SMG7: variants seen among roughly 807,000 people sequenced by gnomAD.
SMG7 encodes the protein SMG7 nonsense mediated mRNA decay factor.
Under a neutral mutation model 148.2 loss-of-function variants are expected in SMG7, and 34 were observed. That is an observed-to-expected ratio of 0.23 (90% CI 0.17 to 0.31). The LOEUF is 0.31. SMG7 is among the 10% of genes least tolerant of loss of function. The pLI, the probability that SMG7 is intolerant of heterozygous loss-of-function variation, is 1.00. For synonymous variants in SMG7, 492 were observed against 515.1 expected (o/e 0.96, Z 0.61); for missense variants, 1,114 against 1,408.4 (o/e 0.79, Z 3.35).
intron 1 of SMG7, among the ~76,000 whole-genome samples, chr1:183,485,955 T>G (rs1655317761): frequency 1.3e-5 from 2 of 152,216 alleles, no homozygotes; most frequent in Admixed American, 6.5e-5. Flanking sequence ...AGCAAGACTG[T>G]GGTTAACTAG....
intron 1 of SMG7, among the ~76,000 whole-genome samples, chr1:183,494,937 T>C (rs1038941161): frequency 1.3e-5 from 2 of 151,618 alleles, no homozygotes; most frequent in Admixed American, 1.3e-4. Flanking sequence ...CAAGCGATTC[T>C]CCTGCCTCAG....
At chr1:183,544,748 T>C (rs1357118329) in intron 15 of SMG7, among the ~76,000 whole-genome samples, 182 bp from the exon 16 acceptor site, 2 of 152,206 alleles carry the variant, frequency 1.3e-5, no homozygotes, top group South Asian at 2.1e-4. Context: ...CTTCAGTGGA[T>C]AGAGGAAAAA....
chr1:183,512,790 T>A, intron 1 of SMG7, 47 bp from the exon 2 acceptor site: 1 of 1,548,454 alleles, frequency 6.5e-7, no homozygotes, highest in Non-Finnish European at 8.7e-7. Context: ...TAGGCCTCGT[T>A]TGTTTCTAAC....
rs1234121155 is a variant in SMG7 at position 183,531,595 on chromosome 1, G to A, written c.844-1569G>A. Among the ~76,000 whole-genome samples, 3 of 152,100 alleles carry A rather than the reference G, an allele frequency of 2.0e-5. No homozygotes were observed. In the East Asian group the frequency reaches 5.8e-4, roughly 29 times the overall value. On this transcript the variant is annotated intron_variant, in intron 8 of 22. Coordinates refer to ENST00000688051, the MANE Select transcript of SMG7 (RefSeq NM_001375584.1). Reference sequence around the variant, plus strand: ...CTTTTAGAGATATAGGGGAAAACATGACAAAGTCTGGACCTTCATGAACTT... The same window carrying A: ...CTTTTAGAGATATAGGGGAAAACATAACAAAGTCTGGACCTTCATGAACTT...
intron 14 of SMG7, among the ~76,000 whole-genome samples, chr1:183,543,291 T>A (rs1275062751): frequency 6.6e-6 from 1 of 152,232 alleles, no homozygotes; most frequent in Non-Finnish European, 1.5e-5. Flanking sequence ...CAAATGTATG[T>A]GTTTGCATGA....
intron 1 of SMG7, chr1:183,473,771 T>G: frequency 1.0e-6 from 1 of 985,322 alleles, no homozygotes; most frequent in Non-Finnish European, 1.2e-6. Flanking sequence ...TTTAAAAAAT[T>G]GTTTCATACC....
intron 1 of SMG7, among the ~76,000 whole-genome samples, chr1:183,484,297 T>C (rs1654893458): frequency 6.6e-6 from 1 of 152,112 alleles, no homozygotes; most frequent in African/African-American, 2.4e-5. Context: ...AATGTAAAAG[T>C]TGTTACACTA....
At chr1:183,482,348 A>G in intron 1 of SMG7, among the ~76,000 whole-genome samples, 1 of 152,062 alleles carries the variant, frequency 6.6e-6, no homozygotes, top group East Asian at 1.9e-4. Context: ...ACAAGAGAGA[A>G]AGATTTATAT....
intron 1 of SMG7, among the ~76,000 whole-genome samples, chr1:183,474,512 C>G (rs1210883495): frequency 6.6e-6 from 1 of 152,106 alleles, no homozygotes; most frequent in Non-Finnish European, 1.5e-5. Flanking sequence ...TGCAGTGAGC[C>G]GAGATGGCGT....
intron 4 of SMG7, among the ~76,000 whole-genome samples, chr1:183,525,877 C>T (rs549299445): frequency 2.3e-4 from 35 of 151,810 alleles, no homozygotes; most frequent in Non-Finnish European, 4.0e-4. Context: ...GCAAGAAATA[C>T]CTAAAGTCTG....
At chr1:183,543,362 AT>A (rs2102750430) in intron 14 of SMG7, among the ~76,000 whole-genome samples, 1 of 152,162 alleles carries the variant, frequency 6.6e-6, no homozygotes, top group South Asian at 2.1e-4. Context: ...TATTTCTCTA[AT>A]TTTTTTGAGA....
chr1:183,552,270 G>T lies in SMG7; in HGVS notation c.*339G>T. ...GGGAAGTGAAAGCTGAGAAGGGAAG[G>T]CAGATGGGAGAAGCCAATGGGAACT... On this transcript the variant is annotated 3_prime_UTR_variant, in exon 23 of 23. Coordinates refer to ENST00000688051, the MANE Select transcript of SMG7 (RefSeq NM_001375584.1). The T allele has an allele frequency of 9.8e-7, 1 of 1,025,034 alleles. No individual in the cohort carries two copies. The highest frequency in any genetic ancestry group is 1.7e-5 in the African/African-American group (1 of 58,996). The allele number at this position is 1,025,034 out of a possible 1,614,324, so 63.5% of individuals were successfully genotyped here.
intron 1 of SMG7, among the ~76,000 whole-genome samples, chr1:183,486,334 A>G (rs1011038125): frequency 6.6e-6 from 1 of 152,240 alleles, no homozygotes; most frequent in African/African-American, 2.4e-5. Context: ...AATTAGTACT[A>G]TTCTTCATTG....
In SMG7 at chr1:183,552,705, G is replaced by A; in HGVS notation, c.*774G>A. 1.6e-6 allele frequency: 2 copies of A among 1,253,198 alleles called. No individual in the cohort carries two copies. The highest frequency in any genetic ancestry group is 2.0e-6 in the Non-Finnish European group (2 of 991,006). 77.6% of individuals were successfully genotyped at this position (1,253,198 alleles called of 1,614,324 possible). A position where few individuals can be genotyped will look rare whatever the true frequency, so the allele number is the denominator to read the frequency against. On this transcript the variant is annotated 3_prime_UTR_variant, in exon 23 of 23. Coordinates refer to ENST00000688051, the MANE Select transcript of SMG7 (RefSeq NM_001375584.1). The stretch of plus-strand genomic sequence containing the variant: ...TGGTGCTGGGCTGGACTAGCAGGTA[G>A]ACTGCTGTAGGATTTCAAATTACGT...
At position 183,544,941 on chromosome 1, in the gene SMG7, C is replaced by T; in HGVS notation, c.1999C>T (p.Pro667Ser). The change falls in exon 16 of 23, where the codon CCA becomes TCA. Residue 667 changes from proline to serine, a missense_variant. By Grantham distance (74) the Pro-to-Ser change is moderately conservative. This residue lies in a region of SMG7 where 788 missense variants were observed against 894.5 expected (regional missense o/e 0.88). Transcript: ENST00000688051. ...CTTCTGTTTTGAAGGGTTTCCGCCC[C>T]CAACATATGTTATCCCCCCGCCTGT... ...PLPSRPGFPPPTYVIPPPVAF... is the reference protein window; with the variant it reads ...PLPSRPGFPPSTYVIPPPVAF... 6.2e-7 allele frequency: 1 copy of T among 1,612,576 alleles called. No homozygotes were observed.
chr1:183,534,045 T>A (rs978914805), intron 10 of SMG7, among the ~76,000 whole-genome samples: 1 of 152,256 alleles, frequency 6.6e-6, no homozygotes, highest in African/African-American at 2.4e-5. Context: ...GATTTGTGAC[T>A]CCTTGTACAC....
At chr1:183,530,690 G>A (rs1454764969) in intron 8 of SMG7, among the ~76,000 whole-genome samples, 1 of 152,130 alleles carries the variant, frequency 6.6e-6, no homozygotes, top group Non-Finnish European at 1.5e-5. Flanking sequence ...TCTATAGGGG[G>A]CTGACCGTGG....
rs749435822 is a variant in SMG7 at position 183,546,177 on chromosome 1, C to T, written c.2582C>T (p.Pro861Leu). ...PFPMEPYNHN[P>L]SEVKVPEFYW... ...CCCATGGAGCCATATAACCATAATC[C>T]CTCAGAAGTCAAGGTCCCAGAATTC... The change falls in exon 17 of 23, where the codon CCC becomes CTC. Residue 861 changes from proline (P) to leucine (L), a missense_variant. Coordinates refer to ENST00000688051, the MANE Select transcript of SMG7 (RefSeq NM_001375584.1). 1.9e-6 allele frequency: 3 copies of T among 1,614,004 alleles called. No individual in the cohort carries two copies. The highest frequency in any genetic ancestry group is 2.7e-5 in the African/African-American group (2 of 75,010).
intron 1 of SMG7, among the ~76,000 whole-genome samples, chr1:183,501,560 G>A (rs1404265061): frequency 6.6e-6 from 1 of 152,182 alleles, no homozygotes; most frequent in African/African-American, 2.4e-5. Context: ...AAATTGTGCT[G>A]TTTTTCTTGT....
Sources: gnomAD v4.1 joint callset for allele counts (sites outside exome capture counted in the v4.1 genomes callset) on GRCh38, gnomAD v4.1.1 for gene constraint, gnomAD v4.1.1 regional missense constraint, MANE v1.5 for transcripts, NCBI Gene and HGNC (gene_info 2026-07-23, HGNC 2026-07-21) for gene names.